EVA1B: variants seen among roughly 807,000 people sequenced by gnomAD.
The protein encoded by EVA1B is eva-1 homolog B, also known as protein eva-1 homolog B.
Under a neutral mutation model 4.6 loss-of-function variants are expected in EVA1B, and 2 were observed. The observed-to-expected ratio is 0.43, with a 90% CI of 0.18 to 1.37. The LOEUF (loss-of-function observed/expected upper bound fraction) is 1.37, where lower values mean the gene tolerates loss of function less well. Ranked by LOEUF, EVA1B falls within the 40% of genes most tolerant of loss-of-function variation. EVA1B has a pLI of 0.28. For missense variants in EVA1B, 263 were observed against 240.4 expected (o/e 1.09, Z -0.62); for synonymous variants, 124 against 115.8 (o/e 1.07, Z -0.46).
In EVA1B at chr1:36,322,777, T is replaced by A. The variant is rs751232112; in HGVS notation, c.68-52A>T. ...GAGAGGCCCGGACGGGTGGGGGTTG[T>A]CCCACTTCCGAAAGACCCCAGGTTC... is the stretch of plus-strand genomic sequence containing the variant. On this transcript the variant is annotated intron_variant, in intron 2 of 2. Transcript: ENST00000490466. The A allele has an allele frequency of 1.6e-5, 25 of 1,522,982 alleles. No homozygotes were observed. In the South Asian group the frequency reaches 3.0e-4, roughly 18 times the overall value. The allele number at this position is 1,522,982 out of a possible 1,614,324, so 94.3% of individuals were successfully genotyped here. A position where few individuals can be genotyped will look rare whatever the true frequency, so the allele number is the denominator to read the frequency against.
chr1:36,323,074 GGTCAGCA>G lies in EVA1B; in HGVS notation c.-30-14_-30-8del. ...GGGCAGCTCCCCTACCAGCCTGCGA[GGTCAGCA>G]AAGTCAGATCCTTCTCCCAGCCTGG... is the stretch of plus-strand genomic sequence containing the variant. On this transcript the variant is annotated splice_region_variant and splice_polypyrimidine_tract_variant and intron_variant, in intron 1 of 2. Coordinates refer to ENST00000490466, the MANE Select transcript of EVA1B (RefSeq NM_001304762.2). 6.3e-7 allele frequency: 1 copy of G among 1,591,388 alleles called. No homozygotes were observed. Among genetic ancestry groups the G allele is most frequent in the Non-Finnish European group, 8.5e-7 (1 of 1,172,368 alleles).
At chr1:36,323,832 G>A (rs942159033), upstream of EVA1B, 8 of 152,272 alleles carry the variant, frequency 5.3e-5, no homozygotes, top group African/African-American at 1.9e-4. Flanking sequence ...ACAACAGAGA[G>A]GCTGGAGCTC....
chr1:36,322,755 A>G (rs7536394), intron 2 of EVA1B, 30 bp from the exon 3 acceptor site: 1,535,782 of 1,542,542 alleles, frequency 1, 764,645 homozygotes, highest in Non-Finnish European at 1. Context: ...GGTCACGGAG[A>G]GGCCCGGACG....
At chr1:36,323,159 C>T in intron 1 of EVA1B, 92 bp from the exon 2 acceptor site, 2 of 1,106,156 alleles carry the variant, frequency 1.8e-6, no homozygotes, top group Non-Finnish European at 2.6e-6. Flanking sequence ...GCCGCGGGCC[C>T]AGGTTCCACC....
In EVA1B at chr1:36,323,054, G is replaced by A; in HGVS notation, c.-17C>T. On this transcript the variant is annotated 5_prime_UTR_variant, in exon 2 of 3. Transcript: ENST00000490466. ...GGCATCCATGCTGCTCTGGGGGGCA[G>A]CTCCCCTACCAGCCTGCGAGGTCAG... is the stretch of plus-strand genomic sequence containing the variant. The A allele has an allele frequency of 6.3e-7, 1 of 1,597,588 alleles. No homozygotes were observed. The highest frequency in any genetic ancestry group is 1.4e-5 in the African/African-American group (1 of 73,524).
In EVA1B at chr1:36,322,556, G is replaced by A; in HGVS notation, c.237C>T (p.Asp79=). 1.3e-6 allele frequency: 2 copies of A among 1,591,382 alleles called. No homozygotes were observed. The highest frequency in any genetic ancestry group is 2.2e-5 in the East Asian group (1 of 44,456). ...RSSTLEPEDD[D]EDEEDTVTRL... is the part of the protein sequence containing the mutation. ...GAGTCACCGTGTCCTCCTCGTCCTCGTCGTCGTCCTCGGGCTCCAGGGTGC... is the reference window on the plus strand; with the variant it reads ...GAGTCACCGTGTCCTCCTCGTCCTCATCGTCGTCCTCGGGCTCCAGGGTGC... Residue 79 remains aspartate (D), a synonymous_variant, in exon 3 of 3, where the codon GAC becomes GAT. Transcript: ENST00000490466.
rs897624260 is a variant in EVA1B at position 36,322,372 on chromosome 1, G to T, written c.421C>A (p.Pro141Thr). The T allele has an allele frequency of 6.3e-7, 1 of 1,590,830 alleles. No individual in the cohort carries two copies. Among genetic ancestry groups the T allele is most frequent in the East Asian group, 2.2e-5 (1 of 44,546 alleles). ...AGCGTGCCTGTGCCCAGCAGGTCCG[G>T]CTGCCCGGTGCGCCAGATCTCCCGC... ...ILREIWRTGQ[P>T]DLLGTGTLGP... The change falls in exon 3 of 3, where the codon CCG (proline) becomes ACG (threonine). Residue 141 changes from proline (P) to threonine (T), a missense_variant. Physicochemically the swap from Pro to Thr is conservative, Grantham distance 38. Transcript: ENST00000490466.
At chr1:36,324,115 G>A (rs1384484714), upstream of EVA1B, 1 of 152,234 alleles carries the variant, frequency 6.6e-6, no homozygotes, top group Non-Finnish European at 1.5e-5. Flanking sequence ...CTGGAAGGGA[G>A]GGGACTGTCC....
intron 2 of EVA1B, 49 bp downstream of exon 2, chr1:36,322,919 ATGG>A (rs1014702841): frequency 6.3e-7 from 1 of 1,591,510 alleles, no homozygotes; most frequent in Non-Finnish European, 8.6e-7. Flanking sequence ...AGGGAAGGGG[ATGG>A]TGGTCAGGGA....
intron 1 of EVA1B, 74 bp downstream of exon 1, chr1:36,323,384 CG>C (rs1330579479): frequency 4.7e-6 from 1 of 213,880 alleles, no homozygotes; most frequent in East Asian, 1.0e-4. Flanking sequence ...AGGCGGGCTC[CG>C]GGAAGGGAAG....
At chr1:36,322,910 G>A in intron 2 of EVA1B, 61 bp downstream of exon 2, 1 of 1,585,032 alleles carries the variant, frequency 6.3e-7, no homozygotes, top group Non-Finnish European at 8.6e-7. Context: ...GCGCTGGGGA[G>A]GGAAGGGGAT....
rs1646472787 is a variant in EVA1B at position 36,322,083 on chromosome 1, C to A, written c.*212G>T. 7.4e-7 allele frequency: 1 copy of A among 1,357,036 alleles called. No individual in the cohort carries two copies. The highest frequency in any genetic ancestry group is 2.9e-5 in the East Asian group (1 of 34,088). 84.1% of individuals were successfully genotyped at this position (1,357,036 alleles called of 1,614,324 possible). A position where few individuals can be genotyped will look rare whatever the true frequency, so the allele number is the denominator to read the frequency against. On this transcript the variant is annotated 3_prime_UTR_variant, in exon 3 of 3. Coordinates refer to ENST00000490466, the MANE Select transcript of EVA1B (RefSeq NM_001304762.2). ...GGTCACTTCACCTCTTCATCGACCC[C>A]AGAGAGGGAGTGGGGACCCTGCATG...
chr1:36,322,808 G>C, intron 2 of EVA1B, 83 bp from the exon 3 acceptor site: 1 of 1,491,546 alleles, frequency 6.7e-7, no homozygotes, highest in South Asian at 1.2e-5. Context: ...GGTTCTAGGT[G>C]TGGGGGCGAG....
upstream of EVA1B, chr1:36,323,875 A>G (rs894801174): frequency 6.6e-6 from 1 of 152,250 alleles, no homozygotes; most frequent in Non-Finnish European, 1.5e-5. Flanking sequence ...TAAACCTTGG[A>G]CAGGTTCTTT....
intron 2 of EVA1B, 81 bp downstream of exon 2, chr1:36,322,890 G>A (rs1646492004): frequency 3.8e-6 from 6 of 1,561,242 alleles, no homozygotes; most frequent in Admixed American, 1.8e-5. Flanking sequence ...GGGCGGAGGG[G>A]ACGGACAAGG....
chr1:36,322,603 G>T lies in EVA1B; in HGVS notation c.190C>A (p.Gln64Lys). The T allele has an allele frequency of 6.4e-7, 1 of 1,556,314 alleles. No individual in the cohort carries two copies. Residue 64 changes from glutamine to lysine, a missense_variant, in exon 3 of 3, where the codon CAG becomes AAG. Coordinates refer to ENST00000490466, the MANE Select transcript of EVA1B (RefSeq NM_001304762.2). ...GTGCTGCTGCGGGGGTCCCGGCGCT[G>T]AGCCGGGCCCCGGGGCCGCGGGCGG... Reference protein sequence around the residue: ...APRPRPRGPAQRRDPRSSTLE... With the variant: ...APRPRPRGPAKRRDPRSSTLE...
upstream of EVA1B, chr1:36,323,780 G>A (rs762297676): frequency 9.2e-5 from 14 of 152,128 alleles, no homozygotes; most frequent in Non-Finnish European, 1.9e-4. Flanking sequence ...GAAACCGCCG[G>A]GGAGGCCGCG....
chr1:36,322,569 G>A lies in EVA1B; in HGVS notation c.224C>T (p.Pro75Leu). The A allele has an allele frequency of 1.9e-6, 3 of 1,588,750 alleles. No individual in the cohort carries two copies. Among genetic ancestry groups the A allele is most frequent in the Non-Finnish European group, 2.6e-6 (3 of 1,172,394 alleles). The stretch of plus-strand genomic sequence containing the variant: ...CTCCTCGTCCTCGTCGTCGTCCTCG[G>A]GCTCCAGGGTGCTGCTGCGGGGGTC... ...RRDPRSSTLE[P>L]EDDDEDEEDT... The change falls in exon 3 of 3, where the codon CCC becomes CTC. Residue 75 changes from proline (P) to leucine (L), a missense_variant. By Grantham distance (98) the Pro-to-Leu change is moderately conservative. Coordinates refer to ENST00000490466, the MANE Select transcript of EVA1B (RefSeq NM_001304762.2).
chr1:36,322,173 C>G lies in EVA1B; in HGVS notation c.*122G>C. The G allele has an allele frequency of 7.4e-7, 1 of 1,350,424 alleles. No individual in the cohort carries two copies. The highest frequency in any genetic ancestry group is 9.6e-7 in the Non-Finnish European group (1 of 1,040,300). The allele number at this position is 1,350,424 out of a possible 1,614,324, so 83.7% of individuals were successfully genotyped here. On this transcript the variant is annotated 3_prime_UTR_variant, in exon 3 of 3. Coordinates refer to ENST00000490466, the MANE Select transcript of EVA1B (RefSeq NM_001304762.2). ...GGGAAGGGAGCCTCTCAGGGGGTGG[C>G]GGTCCACGCCCAGTAGCACCTGGGA...
Sources: allele counts gnomAD v4.1 joint callset, GRCh38; gene constraint gnomAD v4.1.1; transcripts MANE v1.5; gene names NCBI Gene and HGNC (gene_info 2026-07-23, HGNC 2026-07-21).